Variants in FOXP2 observed in about 807,000 individuals in gnomAD.
FOXP2 encodes forkhead box protein P2.
Under a neutral mutation model 115.8 loss-of-function variants are expected in FOXP2, and 12 were observed. The ratio of observed to expected loss-of-function variants is 0.10; its 90% confidence interval spans 0.07 to 0.17. FOXP2 has a LOEUF of 0.17. FOXP2 is among the 10% of genes least tolerant of loss of function. FOXP2 has a pLI of 1.00. For missense variants in FOXP2, 629 were observed against 843.5 expected, an observed-to-expected ratio of 0.75 and a Z score of 3.15; for synonymous variants, 328 against 297.7, an observed-to-expected ratio of 1.10 and a Z score of -1.05.
chr7:114,423,051 T>C (rs186584820), intron 1 of FOXP2, among the ~76,000 whole-genome samples: 73 of 151,842 alleles, frequency 4.8e-4, no homozygotes, highest in African/African-American at 1.7e-3. Flanking sequence ...GTGCACGCTT[T>C]ATTCAAGATT....
intron 3 of FOXP2, among the ~76,000 whole-genome samples, chr7:114,598,971 T>G (rs1802872981): frequency 2.0e-5 from 3 of 152,178 alleles, no homozygotes; most frequent in Admixed American, 2.0e-4. Flanking sequence ...ATATTCATTC[T>G]TATAGATTGT....
At chr7:114,385,447 G>T (rs1792422474) in intron 2 of FOXP2, among the ~76,000 whole-genome samples, 1 of 152,184 alleles carries the variant, frequency 6.6e-6, no homozygotes, top group Non-Finnish European at 1.5e-5. Flanking sequence ...AATTCTGGCT[G>T]TGCCATGATC....
intron 1 of FOXP2, among the ~76,000 whole-genome samples, chr7:114,251,932 A>G (rs933660343): frequency 7.9e-5 from 12 of 152,200 alleles, no homozygotes; most frequent in Admixed American, 6.5e-5. Context: ...TGGGTTTGTC[A>G]TAAATAGCTT....
chr7:114,374,184 T>C (rs934745171), intron 2 of FOXP2, among the ~76,000 whole-genome samples: 4 of 152,240 alleles, frequency 2.6e-5, no homozygotes, highest in Admixed American at 2.0e-4. Context: ...TGTTAAGTAA[T>C]ATTTGTAGAA....
At chr7:114,134,445 T>C (rs1275931440) in intron 1 of FOXP2, among the ~76,000 whole-genome samples, 2 of 152,170 alleles carry the variant, frequency 1.3e-5, no homozygotes, top group Non-Finnish European at 2.9e-5. Flanking sequence ...AGAAATGCTA[T>C]TTGTACGCCT....
chr7:114,289,760 G>A (rs1796548419), intron 2 of FOXP2, among the ~76,000 whole-genome samples: 1 of 151,910 alleles, frequency 6.6e-6, no homozygotes, highest in African/African-American at 2.4e-5. Context: ...TATAGTGGCA[G>A]TTTTTAAATA....
chr7:114,157,316 C>T (rs566639395), intron 1 of FOXP2, among the ~76,000 whole-genome samples: 1 of 152,136 alleles, frequency 6.6e-6, no homozygotes, highest in East Asian at 1.9e-4. Context: ...AGAGAAAATG[C>T]TATTTGAGTA....
chr7:114,252,881 T>A (rs967000084), intron 1 of FOXP2, among the ~76,000 whole-genome samples: 1 of 152,202 alleles, frequency 6.6e-6, no homozygotes, highest in Non-Finnish European at 1.5e-5. Flanking sequence ...TTAATTGTGA[T>A]GTTAGGGTGT....
rs1792223872 is a variant in FOXP2 at position 114,141,964 on chromosome 7, C to G, written c.-246-20980C>G. ...GTTGGACTTTTTGTTCTGTTCTTTC[C>G]CCGCTGCTCACTGCTATGCCTCAGT... On this transcript the variant is annotated intron_variant, in intron 1 of 19. Coordinates refer to the FOXP2 transcript ENST00000635638. 4.6e-5 allele frequency among the ~76,000 whole-genome samples: 7 copies of G among 152,212 alleles called. No individual in the cohort carries two copies. In the South Asian group the frequency reaches 1.5e-3, roughly 32 times the overall value.
At chr7:114,182,488 G>C (rs543905489) in intron 1 of FOXP2, among the ~76,000 whole-genome samples, 20 of 151,898 alleles carry the variant, frequency 1.3e-4, no homozygotes, top group African/African-American at 4.8e-4. Context: ...TTTAGGACTT[G>C]TTTTGCCTTT....
chr7:114,576,674 C>A (rs1443606445), intron 3 of FOXP2, among the ~76,000 whole-genome samples: 1 of 151,862 alleles, frequency 6.6e-6, no homozygotes, highest in Non-Finnish European at 1.5e-5. Flanking sequence ...CTTATTAGGA[C>A]AGACTGTATT....
chr7:114,631,309 T>A (rs1804907537), intron 5 of FOXP2, among the ~76,000 whole-genome samples: 1 of 152,200 alleles, frequency 6.6e-6, no homozygotes, highest in South Asian at 2.1e-4. Flanking sequence ...GCTCCATACT[T>A]TTTTGATGCA....
intron 2 of FOXP2, among the ~76,000 whole-genome samples, chr7:114,467,825 T>G (rs536797745): frequency 6.6e-6 from 1 of 152,200 alleles, no homozygotes; most frequent in Non-Finnish European, 1.5e-5. Flanking sequence ...CATTGACATT[T>G]GGAGTGGATC....
Position 114,273,816 on chromosome 7 carries a change from T to C in FOXP2, c.-101-14203T>C, listed in dbSNP as rs981158379. 2.6e-5 allele frequency among the ~76,000 whole-genome samples: 4 copies of C among 152,098 alleles called. No homozygotes were observed. In the South Asian group the frequency reaches 8.3e-4, roughly 32 times the overall value. On this transcript the variant is annotated intron_variant, in intron 1 of 17. Coordinates refer to the FOXP2 transcript ENST00000634411. ...TCTTTATCCATTTACTTTTAATCTA[T>C]ATGTGTCTTTATATTTATTTAAAGT...
intron 3 of FOXP2, among the ~76,000 whole-genome samples, chr7:114,612,051 C>T (rs996430188): frequency 2.0e-5 from 3 of 151,878 alleles, no homozygotes; most frequent in African/African-American, 7.3e-5. Context: ...ATGAAAAACC[C>T]CAATAGCAGA....
intron 1 of FOXP2, among the ~76,000 whole-genome samples, chr7:114,244,054 A>G (rs953401717): frequency 1.3e-5 from 2 of 151,964 alleles, no homozygotes; most frequent in Admixed American, 6.6e-5. Flanking sequence ...TTTTCTGTAT[A>G]GCCATGATGT....
intron 2 of FOXP2, among the ~76,000 whole-genome samples, chr7:114,295,127 A>G (rs908801583): frequency 2.6e-5 from 4 of 152,210 alleles, no homozygotes; most frequent in African/African-American, 7.2e-5. Flanking sequence ...ATATCATTAT[A>G]CAAAATAGAA....
intron 2 of FOXP2, among the ~76,000 whole-genome samples, chr7:114,363,847 A>G (rs1266768154): frequency 6.6e-6 from 1 of 152,146 alleles, no homozygotes; most frequent in African/African-American, 2.4e-5. Flanking sequence ...AAGTACATCC[A>G]TGACAAGGGA....
intron 1 of FOXP2, among the ~76,000 whole-genome samples, chr7:114,284,173 A>G (rs1796407225): frequency 6.6e-6 from 1 of 152,110 alleles, no homozygotes; most frequent in African/African-American, 2.4e-5. Context: ...ATGTTTCTAT[A>G]CATGAATGGC....
Sources: gnomAD v4.1 joint callset for allele counts (sites outside exome capture counted in the v4.1 genomes callset) on GRCh38, gnomAD v4.1.1 for gene constraint, MANE v1.5 for transcripts, NCBI Gene and HGNC (gene_info 2026-07-23, HGNC 2026-07-21) for gene names.